Variants in STOX2 observed in about 807,000 individuals in gnomAD.
STOX2 encodes storkhead-box protein 2.
In STOX2, 28 loss-of-function variants were observed where a neutral mutation model predicts 60.9. The ratio of observed to expected loss-of-function variants is 0.46; its 90% CI spans 0.34 to 0.63. STOX2 has a LOEUF of 0.63. Among genes scored for constraint, STOX2 ranks in the 30% least tolerant of loss-of-function variants. The pLI is 0.01. For missense variants in STOX2, 1,024 were observed against 1,187.7 expected, an observed-to-expected ratio of 0.86 and a Z score of 2.03; for synonymous variants, 472 against 463.9, an observed-to-expected ratio of 1.02 and a Z score of -0.22.
chr4:183,833,585 C>T (rs531091714), intron 1 of STOX2, among the ~76,000 whole-genome samples: 38 of 150,372 alleles, frequency 2.5e-4, no homozygotes, highest in Admixed American at 6.6e-4. Flanking sequence ...GTTGGCAAGG[C>T]GGGATCGGGG....
In STOX2 at chr4:183,856,998, G is replaced by GGGAGGGGTTT. The variant is rs571508832; in HGVS notation, c.364+58959_364+58968dup. ...TAGATTAAATTGTGTGGTAGAGGCT[G>GGGAGGGGTTT]GGAGGGGTTTGGAGGGGTTTGGAGG... On this transcript the variant is annotated intron_variant, in intron 1 of 2. Transcript: ENST00000513034. The surrounding 1 kb of genome is among the most constrained non-coding windows in gnomAD (Gnocchi z 4.0). Among the ~76,000 whole-genome samples the GGGAGGGGTTT allele has an allele frequency of 6.6e-6, 1 of 152,168 alleles. No individual in the cohort carries two copies. The highest frequency in any genetic ancestry group is 1.5e-5 in the Non-Finnish European group (1 of 68,030).
At chr4:183,834,299 G>C (rs370039504) in intron 1 of STOX2, among the ~76,000 whole-genome samples, 17 of 152,110 alleles carry the variant, frequency 1.1e-4, no homozygotes, top group African/African-American at 3.6e-4. Flanking sequence ...GACCGTTTTG[G>C]ATCTCTGAAG....
At chr4:183,981,303 A>ATACAGAG in intron 1 of STOX2, among the ~76,000 whole-genome samples, 1 of 152,306 alleles carries the variant, frequency 6.6e-6, no homozygotes, top group African/African-American at 2.4e-5. Flanking sequence ...AGTAGAATGC[A>ATACAGAG]TAGACTGTAT....
intron 1 of STOX2, among the ~76,000 whole-genome samples, chr4:183,839,022 C>T (rs555523655): frequency 1.3e-4 from 19 of 146,468 alleles, no homozygotes; most frequent in East Asian, 1.2e-3. Context: ...CACGCGCGCG[C>T]GCACACACAC....
At chr4:183,824,547 A>G (rs1439169962) in intron 1 of STOX2, among the ~76,000 whole-genome samples, 1 of 152,186 alleles carries the variant, frequency 6.6e-6, no homozygotes, top group Non-Finnish European at 1.5e-5. Context: ...AACTTAAAGT[A>G]TAATAATAAT....
At chr4:183,903,485 G>A (rs1741508281), upstream of STOX2, among the ~76,000 whole-genome samples, 1 of 152,136 alleles carries the variant, frequency 6.6e-6, no homozygotes, top group Admixed American at 6.5e-5. Context: ...TTTGCCTACT[G>A]TTTCTCTTCC....
intron 1 of STOX2, among the ~76,000 whole-genome samples, chr4:183,952,004 T>C (rs976378802): frequency 2.0e-5 from 3 of 152,198 alleles, no homozygotes; most frequent in African/African-American, 7.2e-5. Context: ...TCTCTCCCTC[T>C]AGCCTTTTGT....
At chr4:183,931,669 G>C (rs1199016638) in intron 1 of STOX2, among the ~76,000 whole-genome samples, 1 of 152,114 alleles carries the variant, frequency 6.6e-6, no homozygotes, top group Admixed American at 6.5e-5. Context: ...GAGTCTGTAG[G>C]GTAAGGTGAG....
intron 3 of STOX2, chr4:184,016,377 CAAAACA>C (rs887065188): frequency 2.6e-5 from 4 of 151,848 alleles, no homozygotes; most frequent in Admixed American, 1.3e-4. Context: ...CAAAACAAAA[CAAAACA>C]AAAACAAAAA....
Position 183,952,413 on chromosome 4 carries a change from C to T in STOX2, c.166+45457C>T, listed in dbSNP as rs145405059. On this transcript the variant is annotated intron_variant, in intron 1 of 3. Coordinates refer to ENST00000308497, the MANE Select transcript of STOX2 (RefSeq NM_020225.3). ...TTGAACTCAACTATGTGATTCTTGT[C>T]GGAAGTATATACAGATCTCACAAAT... Among the ~76,000 whole-genome samples, 364 of 152,300 alleles carry T rather than the reference C, an allele frequency of 2.4e-3. 4 individuals are homozygous for T. The highest frequency in any genetic ancestry group is 1.7e-3 in the Non-Finnish European group (113 of 68,028).
intron 1 of STOX2, among the ~76,000 whole-genome samples, chr4:183,886,858 C>A (rs35689984): frequency 0.26 from 39,268 of 152,098 alleles, 5,431 homozygotes; most frequent in Middle Eastern, 0.37. Context: ...GATGTGCATT[C>A]AATACCTTCT....
chr4:183,945,109 A>G (rs1381802677), intron 1 of STOX2, among the ~76,000 whole-genome samples: 1 of 152,216 alleles, frequency 6.6e-6, no homozygotes, highest in East Asian at 1.9e-4. Flanking sequence ...GTATCACCTT[A>G]CCTTCAAGGT....
chr4:183,972,663 C>A (rs1743777999), intron 1 of STOX2, among the ~76,000 whole-genome samples: 1 of 152,100 alleles, frequency 6.6e-6, no homozygotes, highest in Non-Finnish European at 1.5e-5. Flanking sequence ...CAATGTTGAT[C>A]ACGTGCTTAA....
intron 1 of STOX2, among the ~76,000 whole-genome samples, chr4:183,938,304 T>C (rs1742644449): frequency 6.6e-6 from 1 of 152,242 alleles, no homozygotes; most frequent in African/African-American, 2.4e-5. Flanking sequence ...TCCCTGCGAA[T>C]AGCATTGCCA....
In STOX2 at chr4:184,009,346, T is replaced by C; in HGVS notation, c.508T>C (p.Cys170Arg). The C allele has an allele frequency of 6.2e-7, 1 of 1,613,980 alleles. No individual in the cohort carries two copies. Among genetic ancestry groups the C allele is most frequent in the South Asian group, 1.1e-5 (1 of 91,086 alleles). ...CGAGAGGATACCTGACCGGTCTCAGTGCACCTCTCCGCAACCCGGGACCAT... is the reference window on the plus strand; with the variant it reads ...CGAGAGGATACCTGACCGGTCTCAGCGCACCTCTCCGCAACCCGGGACCAT... Reference protein sequence around the residue: ...LDERIPDRSQCTSPQPGTITP... With the variant: ...LDERIPDRSQRTSPQPGTITP... Residue 170 changes from cysteine to arginine, a missense_variant, in exon 3 of 4, where the codon TGC (cysteine) becomes CGC (arginine). By Grantham distance (180) the Cys-to-Arg change is radical. Coordinates refer to ENST00000308497, the MANE Select transcript of STOX2 (RefSeq NM_020225.3). This position sits in a 1 kb window ranked among gnomAD's most constrained non-coding sequence, Gnocchi z 4.0.
intron 1 of STOX2, among the ~76,000 whole-genome samples, chr4:183,980,239 A>G (rs1339081554): frequency 6.6e-6 from 1 of 152,190 alleles, no homozygotes; most frequent in African/African-American, 2.4e-5. Flanking sequence ...GGATGAGGCT[A>G]ATGTACATTA....
At chr4:183,809,063 C>T (rs369340719) in intron 1 of STOX2, among the ~76,000 whole-genome samples, 25 of 152,164 alleles carry the variant, frequency 1.6e-4, no homozygotes, top group African/African-American at 5.1e-4. Flanking sequence ...AATTTGGATA[C>T]GAATTAGAGC....
At chr4:183,866,552 A>G (rs1339993689) in intron 1 of STOX2, among the ~76,000 whole-genome samples, 2 of 152,102 alleles carry the variant, frequency 1.3e-5, no homozygotes, top group African/African-American at 2.4e-5. Flanking sequence ...GGGATATACT[A>G]TATTCTCCCA....
intron 1 of STOX2, chr4:183,853,401 A>G (rs1255575904): frequency 1.3e-5 from 2 of 152,216 alleles, no homozygotes; most frequent in African/African-American, 4.8e-5. Flanking sequence ...GTTCACCACT[A>G]CAGGAGAGTG....
Sources: gnomAD v4.1 joint callset for allele counts (sites outside exome capture counted in the v4.1 genomes callset) on GRCh38, gnomAD v4.1.1 for gene constraint, Gnocchi (gnomAD v3.1) non-coding constraint, MANE v1.5 for transcripts, NCBI Gene and HGNC (gene_info 2026-07-23, HGNC 2026-07-21) for gene names.